EFCC1: variants seen among roughly 807,000 people sequenced by gnomAD.
The protein encoded by EFCC1 is EF-hand and coiled-coil domain containing 1.
Under a neutral mutation model 52.1 loss-of-function variants are expected in EFCC1, and 50 were observed. The ratio of observed to expected loss-of-function variants is 0.96; its 90% CI spans 0.76 to 1.21. EFCC1 has a LOEUF of 1.21. Among genes scored for constraint, EFCC1 ranks in the 50% most tolerant of loss-of-function variants. The probability of loss-of-function intolerance (pLI) is 0.00; values close to 1 mark genes in which losing one functional copy is unlikely to be tolerated. For synonymous variants in EFCC1, 399 were observed against 396.5 expected (o/e 1.01, Z -0.08); for missense variants, 837 against 867.3 (o/e 0.97, Z 0.44).
chr3:129,034,417 G>A (rs949077792), intron 5 of EFCC1, 88 bp downstream of exon 5: 14 of 1,451,898 alleles, frequency 9.6e-6, no homozygotes, highest in Non-Finnish European at 1.2e-5. Flanking sequence ...CAAGTCTTGT[G>A]CCTCATTCCC....
At chr3:129,016,858 G>A (rs1945608496) in intron 2 of EFCC1, among the ~76,000 whole-genome samples, 1 of 152,186 alleles carries the variant, frequency 6.6e-6, no homozygotes, top group East Asian at 1.9e-4. Flanking sequence ...GCTGTGAGTG[G>A]TTTATCAGTG....
chr3:129,020,515 T>G (rs1265297151), intron 2 of EFCC1, among the ~76,000 whole-genome samples: 2 of 152,132 alleles, frequency 1.3e-5, no homozygotes, highest in Non-Finnish European at 2.9e-5. Context: ...CCTGCACCTG[T>G]GGTCCCAGCT....
intron 2 of EFCC1, among the ~76,000 whole-genome samples, chr3:129,011,550 CAA>C (rs1201411639): frequency 3.0e-4 from 28 of 93,448 alleles, no homozygotes; most frequent in Admixed American, 4.8e-4. Flanking sequence ...GACTCCGTCT[CAA>C]AAAAAAAAAA....
At chr3:129,013,847 T>A (rs896810589) in intron 2 of EFCC1, among the ~76,000 whole-genome samples, 2 of 152,186 alleles carry the variant, frequency 1.3e-5, no homozygotes, top group African/African-American at 2.4e-5. Flanking sequence ...GGGGGGCTAC[T>A]TGTGGGCAAT....
chr3:129,039,692 T>C lies in EFCC1; in HGVS notation c.1664-20T>C. On this transcript the variant is annotated intron_variant, in intron 7 of 7. Coordinates refer to ENST00000683648, the MANE Select transcript of EFCC1 (RefSeq NM_001377500.1). ...GTGAGCAGACTGATCCTGCCCTCCC[T>C]GCCTGCTGTTTCCCTCCAGAGGGAA... is the stretch of plus-strand genomic sequence containing the variant. 6.3e-7 allele frequency: 1 copy of C among 1,577,792 alleles called. No homozygotes were observed. The highest frequency in any genetic ancestry group is 1.7e-5 in the Admixed American group (1 of 57,624).
intron 1 of EFCC1, among the ~76,000 whole-genome samples, 168 bp from the exon 2 acceptor site, chr3:129,003,626 G>T (rs966213072): frequency 6.6e-6 from 1 of 152,228 alleles, no homozygotes. Flanking sequence ...GGTTAAAGGA[G>T]CTTGGACGCA....
At chr3:129,013,647 T>A (rs866235260) in intron 2 of EFCC1, among the ~76,000 whole-genome samples, 18 of 152,204 alleles carry the variant, frequency 1.2e-4, no homozygotes, top group Admixed American at 2.6e-4. Flanking sequence ...CTGGAACCAG[T>A]CACTGGTACC....
At position 129,030,683 on chromosome 3, in the gene EFCC1, T is replaced by C; in HGVS notation, c.981-20T>C. 1 of 1,549,890 alleles carries C rather than the reference T, an allele frequency of 6.5e-7. No individual in the cohort carries two copies. Among genetic ancestry groups the C allele is most frequent in the African/African-American group, 1.4e-5 (1 of 73,116 alleles). On this transcript the variant is annotated intron_variant, in intron 2 of 7. Coordinates refer to ENST00000683648, the MANE Select transcript of EFCC1 (RefSeq NM_001377500.1). ...CCTGTACTCTCCTCCTCAATGCCTG[T>C]GTCTCTCCCACGGCTGCAGGTCAGA...
At chr3:129,029,018 T>C (rs1946210767) in intron 2 of EFCC1, among the ~76,000 whole-genome samples, 1 of 152,134 alleles carries the variant, frequency 6.6e-6, no homozygotes, top group South Asian at 2.1e-4. Context: ...ATCCTGCTGG[T>C]TTTCACTTCC....
chr3:129,019,102 T>G (rs1945718509), intron 2 of EFCC1, among the ~76,000 whole-genome samples: 3 of 152,250 alleles, frequency 2.0e-5, no homozygotes, highest in African/African-American at 7.2e-5. Context: ...CATAAATGAT[T>G]TGACCAAGTG....
chr3:129,037,055 C>T lies in EFCC1; in HGVS notation c.1531C>T (p.Leu511=). 6.2e-7 allele frequency: 1 copy of T among 1,613,592 alleles called. No individual in the cohort carries two copies. The highest frequency in any genetic ancestry group is 8.5e-7 in the Non-Finnish European group (1 of 1,179,896). ...GATGGTAGAGACCGAGAGGGTGCGGCTGTCCCTGCTGGAGGAGAAGCTGGT... is the reference window on the plus strand; with the variant it reads ...GATGGTAGAGACCGAGAGGGTGCGGTTGTCCCTGCTGGAGGAGAAGCTGGT... ...LQMVETERVR[L]SLLEEKLVDV... The change falls in exon 6 of 8, where the codon CTG becomes TTG. Residue 511 remains leucine (L), a synonymous_variant. Coordinates refer to ENST00000683648, the MANE Select transcript of EFCC1 (RefSeq NM_001377500.1).
In EFCC1 at chr3:129,040,080, C is replaced by CCACCAGAG. The variant is rs370033451; in HGVS notation, c.*233_*240dup. On this transcript the variant is annotated 3_prime_UTR_variant, in exon 8 of 8. Coordinates refer to ENST00000683648, the MANE Select transcript of EFCC1 (RefSeq NM_001377500.1). This position sits in a 1 kb window ranked among gnomAD's most constrained non-coding sequence, Gnocchi z 4.4. ...TTACCTCGCAGCCCCTGCATTCCTGCCACCAGAGTCCACATTAAAGCCCTG... is the reference window on the plus strand; with the variant it reads ...TTACCTCGCAGCCCCTGCATTCCTGCCACCAGAGCACCAGAGTCCACATTAAAGCCCTG... 76 of 484,510 alleles carry CCACCAGAG rather than the reference C, an allele frequency of 1.6e-4. No individual in the cohort carries two copies. Among genetic ancestry groups the CCACCAGAG allele is most frequent in the African/African-American group, 1.4e-3 (71 of 50,414 alleles). The allele number at this position is 484,510 out of a possible 1,614,324, so 30.0% of individuals were successfully genotyped here. A position where few individuals can be genotyped will look rare whatever the true frequency, so the allele number is the denominator to read the frequency against.
chr3:129,021,217 C>T (rs766715255), intron 2 of EFCC1, among the ~76,000 whole-genome samples: 38 of 152,316 alleles, frequency 2.5e-4, no homozygotes, highest in South Asian at 8.3e-4. Flanking sequence ...ACCTCACTTT[C>T]GTCATGATGA....
intron 2 of EFCC1, among the ~76,000 whole-genome samples, chr3:129,004,918 C>A (rs945568497): frequency 1.3e-5 from 2 of 152,178 alleles, no homozygotes. Flanking sequence ...CCACCCCTCA[C>A]AGACCCTGCT....
intron 2 of EFCC1, among the ~76,000 whole-genome samples, chr3:129,028,195 C>T (rs559835979): frequency 2.0e-4 from 30 of 151,746 alleles, no homozygotes; most frequent in African/African-American, 6.3e-4. Context: ...GCTATTCTCC[C>T]GCCACAGCCT....
At chr3:129,028,773 G>C (rs1479261508) in intron 2 of EFCC1, among the ~76,000 whole-genome samples, 1 of 151,982 alleles carries the variant, frequency 6.6e-6, no homozygotes, top group Non-Finnish European at 1.5e-5. Context: ...CTCCCGAGTA[G>C]CTGGGATTAC....
At chr3:129,013,374 G>A (rs903240161) in intron 2 of EFCC1, among the ~76,000 whole-genome samples, 1 of 152,104 alleles carries the variant, frequency 6.6e-6, no homozygotes, top group Admixed American at 6.5e-5. Flanking sequence ...AAGTAGGAAC[G>A]GCACTTATTT....
chr3:129,026,116 G>T (rs1000322764), intron 2 of EFCC1, among the ~76,000 whole-genome samples: 13 of 152,268 alleles, frequency 8.5e-5, no homozygotes, highest in African/African-American at 3.1e-4. Flanking sequence ...GAAGATGTTT[G>T]AAATATTGAG....
Position 129,001,667 on chromosome 3 carries a change from G to C in EFCC1, c.39G>C (p.Glu13Asp). 7.0e-7 allele frequency: 1 copy of C among 1,425,156 alleles called. No homozygotes were observed. The highest frequency in any genetic ancestry group is 1.4e-5 in the South Asian group (1 of 69,128). The allele number at this position is 1,425,156 out of a possible 1,614,324, so 88.3% of individuals were successfully genotyped here. A position where few individuals can be genotyped will look rare whatever the true frequency, so the allele number is the denominator to read the frequency against. ...GCACGGGCGCGGAGGCCGGCATGGA[G>C]GGCGCGGGAGGTGACCCGTACCGGC... The part of the protein sequence containing the change: ...PVSTGAEAGM[E>D]GAGGDPYRRP... Residue 13 changes from glutamate to aspartate, a missense_variant, in exon 1 of 8, where the codon GAG (glutamate) becomes GAC (aspartate). Coordinates refer to ENST00000683648, the MANE Select transcript of EFCC1 (RefSeq NM_001377500.1).
Sources: allele counts gnomAD v4.1 joint callset (sites outside exome capture counted in the v4.1 genomes callset), GRCh38; gene constraint gnomAD v4.1.1; non-coding constraint Gnocchi (gnomAD v3.1); transcripts MANE v1.5; gene names NCBI Gene and HGNC (gene_info 2026-07-23, HGNC 2026-07-21).